Variants in AMELY observed in about 807,000 individuals in gnomAD.
AMELY encodes amelogenin Y-linked.
A neutral mutation model predicts 4.2 loss-of-function variants in AMELY; 4 were observed. The ratio of observed to expected loss-of-function variants is 0.96; its 90% CI spans 0.47 to 2.19. The LOEUF is 2.19. Among genes scored for constraint, AMELY ranks in the 30% most tolerant of loss-of-function variants. AMELY has a pLI of 0.02. For synonymous variants in AMELY, 11 were observed against 14.7 expected, an observed-to-expected ratio of 0.75 and a Z score of 0.57; for missense variants, 32 against 41.5, an observed-to-expected ratio of 0.77 and a Z score of 0.63.
At position 6,868,745 on chromosome Y, in the gene AMELY, A is replaced by G; in HGVS notation, c.134T>C (p.Met45Thr). ...VLTPLKWYQS[M>T]IRPPYSSYGY... The stretch of plus-strand genomic sequence containing the variant: ...ATGTCTACATACTGGTGGTCTTATC[A>G]TGCTCTGGTACCACTTCAAAGGGGT... Residue 45 changes from methionine to threonine, a missense_variant, in exon 5 of 7, where the codon ATG (methionine) becomes ACG (threonine). Transcript: ENST00000651267. 2.5e-6 allele frequency: 1 copy of G among 395,226 alleles called. No individual in the cohort carries two copies. Among genetic ancestry groups the G allele is most frequent in the Non-Finnish European group, 3.6e-6 (1 of 280,342 alleles).
intron 6 of AMELY, 39 bp from the exon 7 acceptor site, chrY:6,866,117 T>C (rs752855344): frequency 4.5e-6 from 1 of 220,266 alleles, no homozygotes; most frequent in Non-Finnish European, 6.8e-6. Flanking sequence ...AATAATTTAA[T>C]TGTTTCCAGT....
At chrY:6,884,853 T>C (rs1603022309) in intron 1 of AMELY, among the ~76,000 whole-genome samples, 4 of 33,503 alleles carry the variant, frequency 1.2e-4, no homozygotes, top group African/African-American at 2.3e-4. Context: ...TGGTCTAATA[T>C]TTAGAATCTG....
chrY:6,881,826 C>A, intron 1 of AMELY, among the ~76,000 whole-genome samples: 1 of 32,689 alleles, frequency 3.1e-5, no homozygotes, highest in African/African-American at 1.2e-4. Flanking sequence ...AGTGAACTAC[C>A]ATTTACAATT....
Position 6,866,789 on chromosome Y carries a change from A to G in AMELY, c.574-711T>C, listed in dbSNP as rs2054062368. Among the ~76,000 whole-genome samples the G allele has an allele frequency of 9.9e-5, 3 of 30,164 alleles. No homozygotes were observed. In the South Asian group the frequency reaches 2.5e-3, roughly 25 times the overall value. 80.9% of individuals were successfully genotyped at this position (30,164 alleles called of 37,273 possible). On this transcript the variant is annotated intron_variant, in intron 6 of 6. Transcript: ENST00000651267. ...CTCCCTTGTAATTGGAATTACAGGC[A>G]TCTGCTTCCACGCCCAACTAACTTT...
At chrY:6,900,253 G>A (rs1603023085) in intron 1 of AMELY, among the ~76,000 whole-genome samples, 2 of 33,263 alleles carry the variant, frequency 6.0e-5, no homozygotes, top group East Asian at 8.0e-4. Context: ...ACTAACCATT[G>A]AGCCAGATGG....
At chrY:6,908,565 A>C (rs2011671179) in intron 1 of AMELY, among the ~76,000 whole-genome samples, 2 of 30,753 alleles carry the variant, frequency 6.5e-5, no homozygotes, top group African/African-American at 1.3e-4. Context: ...AAATAACTGG[A>C]ACACACACAC....
chrY:6,908,041 C>T, intron 1 of AMELY, among the ~76,000 whole-genome samples: 1 of 32,464 alleles, frequency 3.1e-5, no homozygotes, highest in African/African-American at 1.2e-4. Context: ...GGGGTTTCAC[C>T]GTATTGATTA....
At chrY:6,902,524 G>T in intron 1 of AMELY, among the ~76,000 whole-genome samples, 1 of 32,342 alleles carries the variant, frequency 3.1e-5, no homozygotes, top group Non-Finnish European at 7.5e-5. Context: ...ATAGGGCATG[G>T]TTATATGAAG....
Position 6,879,441 on chromosome Y carries a change from A to G in AMELY, c.-112-5370T>C, listed in dbSNP as rs1603021994. Among the ~76,000 whole-genome samples, 8 of 33,649 alleles carry G rather than the reference A, an allele frequency of 2.4e-4. No individual in the cohort carries two copies. In the East Asian group the frequency reaches 5.4e-3, roughly 23 times the overall value. The allele number at this position is 33,649 out of a possible 37,273, so 90.3% of individuals were successfully genotyped here. On this transcript the variant is annotated intron_variant, in intron 1 of 6. Transcript: ENST00000651267. The stretch of plus-strand genomic sequence containing the variant: ...ATTCTGGATATTCGCCCTTTGTCAG[A>G]TAAGTAGATTGCAAACATTTTCTCC...
intron 3 of AMELY, among the ~76,000 whole-genome samples, chrY:6,870,452 A>T: frequency 2.9e-5 from 1 of 33,925 alleles, no homozygotes; most frequent in Admixed American, 2.7e-4. Context: ...AACTCATCCC[A>T]TGTTGGGGAG....
chrY:6,873,732 T>G (rs2054070087), intron 2 of AMELY, among the ~76,000 whole-genome samples: 1 of 32,721 alleles, frequency 3.1e-5, no homozygotes, highest in South Asian at 6.8e-4. Flanking sequence ...TTCCAGGAAC[T>G]CCTTTTGGTT....
intron 1 of AMELY, among the ~76,000 whole-genome samples, chrY:6,905,829 C>T (rs2011661581): frequency 3.1e-5 from 1 of 32,384 alleles, no homozygotes; most frequent in Non-Finnish European, 7.5e-5. Context: ...CTCCTGACCT[C>T]GTGATCTGCC....
chrY:6,890,804 A>G (rs2054082556), intron 1 of AMELY, among the ~76,000 whole-genome samples: 1 of 33,802 alleles, frequency 3.0e-5, no homozygotes, highest in Non-Finnish European at 7.3e-5. Flanking sequence ...CTAGGTTCTT[A>G]ATAATAAAAT....
At chrY:6,891,112 C>G (rs992201426) in intron 1 of AMELY, among the ~76,000 whole-genome samples, 1 of 33,090 alleles carries the variant, frequency 3.0e-5, no homozygotes, top group Non-Finnish European at 7.4e-5. Context: ...AAGAGAGAGA[C>G]CCTCTCATAT....
chrY:6,906,582 A>G, intron 1 of AMELY, among the ~76,000 whole-genome samples: 3 of 33,192 alleles, frequency 9.0e-5, no homozygotes, highest in African/African-American at 3.5e-4. Context: ...CTACCTAAGC[A>G]TCTTCCCAAA....
At chrY:6,910,680 C>T in intron 1 of AMELY, 1 of 64,157 alleles carries the variant, frequency 1.6e-5, no homozygotes. Context: ...AGCCGCCGCG[C>T]CCGCTCCAGT....
intron 1 of AMELY, among the ~76,000 whole-genome samples, chrY:6,885,107 A>T (rs2054078215): frequency 2.9e-5 from 1 of 34,117 alleles, no homozygotes; most frequent in Non-Finnish European, 7.3e-5. Flanking sequence ...GGTCACAGAG[A>T]AAGGAGAATG....
intron 1 of AMELY, among the ~76,000 whole-genome samples, chrY:6,879,782 C>T (rs767251574): frequency 2.1e-4 from 7 of 33,675 alleles, no homozygotes; most frequent in South Asian, 1.3e-3. Flanking sequence ...TTATTAAATA[C>T]GGAATCATTT....
At chrY:6,900,695 G>A (rs2054088660) in intron 1 of AMELY, 1 of 25,039 alleles carries the variant, frequency 4.0e-5, no homozygotes, top group Non-Finnish European at 9.3e-5. Context: ...ACTCCAGCCT[G>A]GGCCAGAGAG....
Sources: gnomAD v4.1 joint callset for allele counts (sites outside exome capture counted in the v4.1 genomes callset) on GRCh38, gnomAD v4.1.1 for gene constraint, MANE v1.5 for transcripts, NCBI Gene and HGNC (gene_info 2026-07-23, HGNC 2026-07-21) for gene names.